Variants in COCH observed in about 807,000 individuals in gnomAD.
COCH encodes coagulation factor C homolog, cochlin (Limulus polyphemus).
COCH carries 40 observed loss-of-function variants against 54.8 expected under a neutral mutation model. That is an observed-to-expected ratio of 0.73 (90% CI 0.57 to 0.95). The LOEUF is 0.95. Ranked by LOEUF, COCH falls within the 40% of genes least tolerant of loss-of-function variation. COCH has a pLI of 0.00. For missense variants in COCH, 605 were observed against 675.0 expected (o/e 0.90, Z 1.15); for synonymous variants, 256 against 237.9 (o/e 1.08, Z -0.70).
rs1314350908 is a variant in COCH, at chr14:30,882,134, T to G, written c.629+1400T>G. 5.8e-4 allele frequency among the ~76,000 whole-genome samples: 72 copies of G among 124,780 alleles called. 1 individual carries two copies. The highest frequency in any genetic ancestry group is 6.3e-4 in the African/African-American group (19 of 29,970). 81.9% of individuals were successfully genotyped at this position (124,780 alleles called of 152,430 possible). ...ACTATAAAATGGTTTTTTTTTTTTT[T>G]TTTTTTTTTTTTTGAGACGGAGTTT... On this transcript the variant is annotated intron_variant, in intron 8 of 11. Transcript: ENST00000396618.
chr14:30,890,902 G>A (rs1248321526), downstream of COCH, among the ~76,000 whole-genome samples: 1 of 151,976 alleles, frequency 6.6e-6, no homozygotes, highest in Non-Finnish European at 1.5e-5. Context: ...AGCCGGGTGG[G>A]ATGGTGCATG....
At chr14:30,887,703 C>T (rs957031534) in intron 11 of COCH, among the ~76,000 whole-genome samples, 1 of 152,048 alleles carries the variant, frequency 6.6e-6, no homozygotes, top group African/African-American at 2.4e-5. Flanking sequence ...ATGACATAAC[C>T]TTTTTCCTTT....
At chr14:30,888,234 A>G (rs1195782720) in intron 11 of COCH, among the ~76,000 whole-genome samples, 1 of 151,974 alleles carries the variant, frequency 6.6e-6, no homozygotes, top group Admixed American at 6.6e-5. Flanking sequence ...GAGGAAAAAA[A>G]TATTTTGACT....
At chr14:30,879,830 TTTTTA>T (rs572908650) in intron 6 of COCH, among the ~76,000 whole-genome samples, 33 of 151,104 alleles carry the variant, frequency 2.2e-4, no homozygotes, top group African/African-American at 7.7e-4. Context: ...TTTTTAATTT[TTTTTA>T]TTTTTATTTT....
At chr14:30,884,937 T>C in intron 9 of COCH, 1 of 1,597,930 alleles carries the variant, frequency 6.3e-7, no homozygotes, top group Non-Finnish European at 8.5e-7. Flanking sequence ...TATCTCTTTG[T>C]AATGCTAAAA....
In COCH at chr14:30,874,991, C is replaced by G. The variant is rs913630655; in HGVS notation, c.34+19C>G. On this transcript the variant is annotated intron_variant, in intron 2 of 11. Transcript: ENST00000396618. ...GGCCTCGGTGGGTGCGCGCCCCTCA[C>G]GACCCCGGCCCCTTGCTCCGCTGGG... is the stretch of plus-strand genomic sequence containing the variant. 2.5e-6 allele frequency: 4 copies of G among 1,613,116 alleles called. No homozygotes were observed. In the East Asian group the frequency reaches 6.7e-5, roughly 27 times the overall value.
In COCH at chr14:30,884,607, T is replaced by A. The variant is rs1299874456; in HGVS notation, c.684T>A (p.Val228=). Residue 228 remains valine (V), a synonymous_variant, in exon 9 of 12, where the codon GTT becomes GTA. Coordinates refer to ENST00000396618, the MANE Select transcript of COCH (RefSeq NM_004086.3). ...YLKNFTSAKD[V]LFAIKEVGFR... is the part of the protein sequence containing the mutation. ...AAAACTTTACATCAGCCAAAGATGT[T>A]TTGTTTGCCATAAAGGAAGTAGGTT... The A allele has an allele frequency of 1.2e-6, 2 of 1,613,832 alleles. No individual in the cohort carries two copies. The highest frequency in any genetic ancestry group is 2.2e-5 in the South Asian group (2 of 91,074).
Position 30,889,745 on chromosome 14 carries a change from A to T in COCH, c.1607A>T (p.Asp536Val), listed in dbSNP as rs1350364216. The change falls in exon 12 of 12, where the codon GAT becomes GTT. Residue 536 changes from aspartate (D) to valine (V), a missense_variant. Transcript: ENST00000396618. ...ACAGGATTAGAACCAATTGTTTCTG[A>T]TGTCATCAGAGGCATTTGTAGAGAT... ...EFTGLEPIVS[D>V]VIRGICRDFL... 2.5e-6 allele frequency: 4 copies of T among 1,613,324 alleles called. No individual in the cohort carries two copies. The African/African-American group carries it at 5.3e-5, about 22-fold the overall frequency.
chr14:30,894,891 TTC>T (rs1446219323), downstream of COCH: 29 of 897,878 alleles, frequency 3.2e-5, no homozygotes, highest in Admixed American at 4.7e-5. Context: ...AATTTTCTTT[TTC>T]TTTTTTTTTT....
At chr14:30,875,665 T>G in intron 3 of COCH, 9 of 214,012 alleles carry the variant, frequency 4.2e-5, no homozygotes, top group East Asian at 3.3e-4. Context: ...GTACCACGTG[T>G]AGAGGTCCGG....
Position 30,877,054 on chromosome 14 carries a change from T to C in COCH, c.83-518T>C, listed in dbSNP as rs1353427437. The stretch of plus-strand genomic sequence containing the variant: ...ACCTCCTGGACTCAAGCAAATCCTC[T>C]TGTCTTGGCCTGCTAAAGTGCTGGG... On this transcript the variant is annotated intron_variant, in intron 3 of 11. Coordinates refer to ENST00000396618, the MANE Select transcript of COCH (RefSeq NM_004086.3). This position sits in a 1 kb window ranked among gnomAD's most constrained non-coding sequence, Gnocchi z 8.6. Among the ~76,000 whole-genome samples the C allele has an allele frequency of 2.0e-5, 3 of 152,166 alleles. No individual in the cohort carries two copies. The highest frequency in any genetic ancestry group is 4.4e-5 in the Non-Finnish European group (3 of 68,032).
In COCH at chr14:30,890,399, G is replaced by A. The variant is rs1225668980; in HGVS notation, c.*608G>A. ...TAAAAATATCACACTGAATAAGAGA[G>A]CAGGATTGCCAGGTATTTTTCTATT... On this transcript the variant is annotated 3_prime_UTR_variant, in exon 12 of 12. Coordinates refer to ENST00000396618, the MANE Select transcript of COCH (RefSeq NM_004086.3). 20 of 984,296 alleles carry A rather than the reference G, an allele frequency of 2.0e-5. No homozygotes were observed. The highest frequency in any genetic ancestry group is 2.3e-5 in the Non-Finnish European group (19 of 829,062). 61.0% of individuals were successfully genotyped at this position (984,296 alleles called of 1,614,324 possible).
chr14:30,882,120 G>GTGTTTTTTTTTTTTTTTTTTTTTTTTT (rs1895617492), intron 8 of COCH, among the ~76,000 whole-genome samples: 1 of 67,894 alleles, frequency 1.5e-5, no homozygotes, highest in Non-Finnish European at 2.7e-5. Flanking sequence ...CTATAAAATG[G>GTGTTTTTTTTTTTTTTTTTTTTTTTTT]TTTTTTTTTT....
chr14:30,876,967 T>TA (rs998339114), intron 3 of COCH, among the ~76,000 whole-genome samples: 19 of 151,930 alleles, frequency 1.3e-4, no homozygotes, highest in Middle Eastern at 3.4e-3. Context: ...TGTGGCCATT[T>TA]AAAAAAAATT....
chr14:30,875,314 G>GT (rs1895317424), intron 3 of COCH: 10 of 672,280 alleles, frequency 1.5e-5, no homozygotes, highest in Non-Finnish European at 2.2e-5. Context: ...GGGCCCCTGG[G>GT]GTCCAGTGGG....
chr14:30,887,770 GATT>G (rs1895841624), intron 11 of COCH, among the ~76,000 whole-genome samples: 2 of 152,254 alleles, frequency 1.3e-5, no homozygotes, highest in Non-Finnish European at 2.9e-5. Context: ...ACTGATGAAA[GATT>G]ATTCTTAAAA....
chr14:30,888,243 CTT>C (rs747801148), intron 11 of COCH, among the ~76,000 whole-genome samples: 2 of 141,182 alleles, frequency 1.4e-5, no homozygotes. Context: ...AATATTTTGA[CTT>C]TTTTTTTTTT....
In COCH at chr14:30,874,958, C is replaced by G. The variant is rs201427920; in HGVS notation, c.20C>G (p.Pro7Arg). ...GTCACCATGTCCGCAGCCTGGATCC[C>G]GGCTCTCGGCCTCGGTGGGTGCGCG... MSAAWIPALGLGVCLLL... is the reference protein window; with the variant it reads MSAAWIRALGLGVCLLL... Residue 7 changes from proline (P) to arginine (R), a missense_variant, in exon 2 of 12, where the codon CCG becomes CGG. Coordinates refer to ENST00000396618, the MANE Select transcript of COCH (RefSeq NM_004086.3). The G allele has an allele frequency of 6.2e-7, 1 of 1,613,502 alleles. No individual in the cohort carries two copies. The highest frequency in any genetic ancestry group is 8.5e-7 in the Non-Finnish European group (1 of 1,179,858).
intron 9 of COCH, chr14:30,885,129 G>A (rs909109983): frequency 2.6e-6 from 4 of 1,512,352 alleles, no homozygotes; most frequent in South Asian, 1.3e-5. Context: ...GATTGATGTG[G>A]GGTAAACAAA....
Sources: gnomAD v4.1 joint callset for allele counts (sites outside exome capture counted in the v4.1 genomes callset) on GRCh38, gnomAD v4.1.1 for gene constraint, Gnocchi (gnomAD v3.1) non-coding constraint, MANE v1.5 for transcripts, NCBI Gene and HGNC (gene_info 2026-07-23, HGNC 2026-07-21) for gene names.